ZNF787: variants seen among roughly 807,000 people sequenced by gnomAD.
ZNF787 encodes zinc finger protein 787, also known as TTF-I-interacting peptide 20.
A neutral mutation model predicts 16.9 loss-of-function variants in ZNF787; 7 were observed. The observed-to-expected ratio is 0.42, with a 90% confidence interval of 0.24 to 0.78. The LOEUF is 0.78. Ranked by LOEUF, ZNF787 falls within the 30% of genes least tolerant of loss-of-function variation. The pLI is 0.30. For synonymous variants in ZNF787, 345 were observed against 270.9 expected, an observed-to-expected ratio of 1.27 and a Z score of -2.69; for missense variants, 551 against 589.3, an observed-to-expected ratio of 0.94 and a Z score of 0.67.
intron 2 of ZNF787, among the ~76,000 whole-genome samples, chr19:56,090,679 G>T (rs753687948): frequency 6.6e-6 from 1 of 152,282 alleles, no homozygotes; most frequent in East Asian, 1.9e-4. Context: ...AAAATTAGCC[G>T]GGCGTGGTGG....
chr19:56,113,523 G>A (rs1256564211), intron 1 of ZNF787, among the ~76,000 whole-genome samples: 2 of 152,090 alleles, frequency 1.3e-5, no homozygotes, highest in African/African-American at 4.8e-5. Flanking sequence ...AATGGAACAC[G>A]ACCATAACCA....
At chr19:56,119,084 G>C (rs528049715) in intron 1 of ZNF787, among the ~76,000 whole-genome samples, 163 of 152,304 alleles carry the variant, frequency 1.1e-3, no homozygotes, top group African/African-American at 3.8e-3. Context: ...GCTGCTCTGG[G>C]ACAGGGACTG....
Position 56,102,870 on chromosome 19 carries a change from GC to G in ZNF787, c.79+268del, listed in dbSNP as rs756340766. The G allele has an allele frequency of 1.6e-5, 11 of 702,716 alleles. No individual in the cohort carries two copies. In the South Asian group the frequency reaches 1.6e-4, roughly 10 times the overall value. 43.5% of individuals were successfully genotyped at this position (702,716 alleles called of 1,614,324 possible). A position where few individuals can be genotyped will look rare whatever the true frequency, so the allele number is the denominator to read the frequency against. On this transcript the variant is annotated intron_variant, in intron 2 of 2. Transcript: ENST00000610935. Reference sequence around the variant, plus strand: ...CGGGGGTGCTGCCCAGGCTGGAGGGGCAAGGACAGAGGAAGTCAGGCAGAGA... The same window carrying G: ...CGGGGGTGCTGCCCAGGCTGGAGGGGAAGGACAGAGGAAGTCAGGCAGAGA...
intron 1 of ZNF787, among the ~76,000 whole-genome samples, chr19:56,104,626 C>T (rs778156839): frequency 1.8e-4 from 28 of 152,092 alleles, no homozygotes; most frequent in Non-Finnish European, 3.2e-4. Flanking sequence ...CCAAACCGTG[C>T]CATGCACCAA....
Position 56,087,794 on chromosome 19 carries a change from G to A in ZNF787, c.*229C>T, listed in dbSNP as rs908877643. On this transcript the variant is annotated 3_prime_UTR_variant, in exon 3 of 3. Transcript: ENST00000610935. ...GGCTCGCAGGCCGATAACTTAGGAA[G>A]GGCGGGCCAGGCTGAGGGGGCAGAG... The A allele has an allele frequency of 9.6e-6, 6 of 626,940 alleles. No homozygotes were observed. The highest frequency in any genetic ancestry group is 4.3e-5 in the East Asian group (1 of 23,156). The allele number at this position is 626,940 out of a possible 1,614,324, so 38.8% of individuals were successfully genotyped here. A position where few individuals can be genotyped will look rare whatever the true frequency, so the allele number is the denominator to read the frequency against.
chr19:56,117,889 A>ACCTCTGGGTCCCAG (rs2030183744), intron 1 of ZNF787, among the ~76,000 whole-genome samples: 1 of 152,232 alleles, frequency 6.6e-6, no homozygotes, highest in Admixed American at 6.5e-5. Context: ...CTGGGTCCCA[A>ACCTCTGGGTCCCAG]CACTATCCAC....
chr19:56,108,886 G>C (rs2029900325), intron 1 of ZNF787, among the ~76,000 whole-genome samples: 1 of 152,186 alleles, frequency 6.6e-6, no homozygotes, highest in Non-Finnish European at 1.5e-5. Context: ...GACCAGGCTA[G>C]CTCTACCTCT....
chr19:56,091,942 A>AAACCGAAACCG (rs1568523395), intron 2 of ZNF787, among the ~76,000 whole-genome samples: 25 of 55,842 alleles, frequency 4.5e-4, no homozygotes, highest in African/African-American at 1.0e-3. Context: ...AGCCGAAGCC[A>AAACCGAAACCG]AAGCCAAAGC....
rs763035458 is a variant in ZNF787, at chr19:56,087,731, C to A, written c.*292G>T. ...AATGGCCTTCCGCTTGGGGCCTGGTCGCCACTCGGCCTCTGCAGTTCTCTC... is the reference window on the plus strand; with the variant it reads ...AATGGCCTTCCGCTTGGGGCCTGGTAGCCACTCGGCCTCTGCAGTTCTCTC... On this transcript the variant is annotated 3_prime_UTR_variant, in exon 3 of 3. Coordinates refer to ENST00000610935, the MANE Select transcript of ZNF787 (RefSeq NM_001002836.4). 1.7e-5 allele frequency: 5 copies of A among 288,498 alleles called. No individual in the cohort carries two copies. The allele number at this position is 288,498 out of a possible 1,614,324, so 17.9% of individuals were successfully genotyped here. A position where few individuals can be genotyped will look rare whatever the true frequency, so the allele number is the denominator to read the frequency against.
chr19:56,103,776 C>A (rs1986196596), intron 1 of ZNF787, among the ~76,000 whole-genome samples: 1 of 151,484 alleles, frequency 6.6e-6, no homozygotes, highest in African/African-American at 2.4e-5. Flanking sequence ...ACACCACCGA[C>A]CCGTGCCACG....
Position 56,088,130 on chromosome 19 carries a change from T to C in ZNF787, c.1042A>G (p.Ser348Gly). ...CGGTAGTAGCTCTGTCCGCAGCTGCTGCAGACCGAGGGCGCGCCCACCGCG... is the reference window on the plus strand; with the variant it reads ...CGGTAGTAGCTCTGTCCGCAGCTGCCGCAGACCGAGGGCGCGCCCACCGCG... ...IHAVGAPSVCSSCGQSYYRAG... is the reference protein window; with the variant it reads ...IHAVGAPSVCGSCGQSYYRAG... The change falls in exon 3 of 3, where the codon AGC becomes GGC. Residue 348 changes from serine (S) to glycine (G), a missense_variant. Coordinates refer to ENST00000610935, the MANE Select transcript of ZNF787 (RefSeq NM_001002836.4). This position sits in a 1 kb window ranked among gnomAD's most constrained non-coding sequence, Gnocchi z 8.6. 4 of 1,551,258 alleles carry C rather than the reference T, an allele frequency of 2.6e-6. No individual in the cohort carries two copies. Among genetic ancestry groups the C allele is most frequent in the Non-Finnish European group, 3.5e-6 (4 of 1,154,348 alleles).
intron 1 of ZNF787, among the ~76,000 whole-genome samples, chr19:56,112,010 C>T (rs1245860220): frequency 6.6e-6 from 1 of 152,186 alleles, no homozygotes; most frequent in Non-Finnish European, 1.5e-5. Flanking sequence ...TCCCGTCCCT[C>T]CAGGCATGCT....
At chr19:56,095,732 C>G (rs1985844845) in intron 2 of ZNF787, among the ~76,000 whole-genome samples, 1 of 152,244 alleles carries the variant, frequency 6.6e-6, no homozygotes, top group Admixed American at 6.5e-5. Flanking sequence ...GCTGCCCCAG[C>G]CCCTTTTGGG....
intron 1 of ZNF787, among the ~76,000 whole-genome samples, chr19:56,106,675 GA>G (rs1568531606): frequency 6.6e-6 from 1 of 151,354 alleles, no homozygotes. Flanking sequence ...CTCAACACCG[GA>G]AGAGAAAACC....
chr19:56,088,420 TCGCCCGGCG>T lies in ZNF787; in HGVS notation c.743_751del (p.Ala248_Gly250del). The T allele has an allele frequency of 8.7e-7, 1 of 1,148,218 alleles. No homozygotes were observed. Among genetic ancestry groups the T allele is most frequent in the Non-Finnish European group, 1.1e-6 (1 of 937,116 alleles). 71.1% of individuals were successfully genotyped at this position (1,148,218 alleles called of 1,614,324 possible). A position where few individuals can be genotyped will look rare whatever the true frequency, so the allele number is the denominator to read the frequency against. On this transcript the variant is annotated inframe_deletion, in exon 3 of 3. Coordinates refer to ENST00000610935, the MANE Select transcript of ZNF787 (RefSeq NM_001002836.4). This position sits in a 1 kb window ranked among gnomAD's most constrained non-coding sequence, Gnocchi z 8.6. ...CATGGCTGCCGCGGCCGCGGCCCCC[TCGCCCGGCG>T]CGCCCACCACGATGATGCCCTCGCC...
Position 56,087,785 on chromosome 19 carries a change from A to T in ZNF787, c.*238T>A, listed in dbSNP as rs1985341329. ...TGTCTCTCCGGCTCGCAGGCCGATA[A>T]CTTAGGAAGGGCGGGCCAGGCTGAG... On this transcript the variant is annotated 3_prime_UTR_variant, in exon 3 of 3. Transcript: ENST00000610935. 2 of 571,952 alleles carry T rather than the reference A, an allele frequency of 3.5e-6. No individual in the cohort carries two copies. The highest frequency in any genetic ancestry group is 1.5e-4 in the South Asian group (2 of 13,224). 35.4% of individuals were successfully genotyped at this position (571,952 alleles called of 1,614,324 possible). A position where few individuals can be genotyped will look rare whatever the true frequency, so the allele number is the denominator to read the frequency against.
intron 2 of ZNF787, among the ~76,000 whole-genome samples, chr19:56,090,053 G>GT (rs1344221852): frequency 1.3e-5 from 2 of 152,118 alleles, no homozygotes; most frequent in Admixed American, 6.5e-5. Flanking sequence ...ACCCCACAGG[G>GT]TTTTTTCAAA....
At position 56,110,814 on chromosome 19, in the gene ZNF787, G is replaced by A. The variant is rs141472420; in HGVS notation, c.-10-7587C>T. On this transcript the variant is annotated intron_variant, in intron 1 of 2. Transcript: ENST00000610935. ...ACCCTCCACACCCCTCCTCTCCACC[G>A]CACAGCAGCCTGCCCAGAGGCCAGC... Among the ~76,000 whole-genome samples, 110 of 152,308 alleles carry A rather than the reference G, an allele frequency of 7.2e-4. 2 individuals carry two copies. The highest frequency in any genetic ancestry group is 6.1e-3 in the Admixed American group (93 of 15,294).
intron 2 of ZNF787, among the ~76,000 whole-genome samples, chr19:56,093,751 C>CCGAGCATAGTCATGTTGA (rs1285643180): frequency 6.6e-6 from 1 of 152,210 alleles, no homozygotes. Flanking sequence ...AGTGCTAAGT[C>CCGAGCATAGTCATGTTGA]CGAGCATAGT....
Sources: allele counts gnomAD v4.1 joint callset (sites outside exome capture counted in the v4.1 genomes callset), GRCh38; gene constraint gnomAD v4.1.1; non-coding constraint Gnocchi (gnomAD v3.1); transcripts MANE v1.5; gene names NCBI Gene and HGNC (gene_info 2026-07-23, HGNC 2026-07-21).